DNAH17: variants seen among roughly 807,000 people sequenced by gnomAD.
DNAH17 encodes dynein axonemal heavy chain 17.
Under a neutral mutation model 485.6 loss-of-function variants are expected in DNAH17, and 376 were observed. The observed-to-expected ratio is 0.77, with a 90% CI of 0.71 to 0.84. The LOEUF (loss-of-function observed/expected upper bound fraction) is 0.84, where lower values mean the gene tolerates loss of function less well. DNAH17 is among the 40% of genes least tolerant of loss of function. DNAH17 has a pLI of 0.00. For synonymous variants in DNAH17, 3,031 were observed against 2,405.9 expected (o/e 1.26, Z -7.60); for missense variants, 6,370 against 5,839.3 (o/e 1.09, Z -2.96).
At chr17:78,503,543 G>A (rs192162024) in intron 31 of DNAH17, among the ~76,000 whole-genome samples, 2 of 152,128 alleles carry the variant, frequency 1.3e-5, no homozygotes, top group East Asian at 3.9e-4. Context: ...CTGCTGTGCA[G>A]TAACTGCAGT....
Position 78,428,606 on chromosome 17 carries a change from C to T in DNAH17, c.12507G>A (p.Glu4169=), listed in dbSNP as rs2086564512. ...AEIGFLTVTS[E]KLFRTVLEMQ... ...TTTCCAGGACAGTGCGGAACAGCTT[C>T]TCTGAGGTGACCGTCAGAAAGCCAA... Residue 4169 remains glutamate (E), a synonymous_variant, in exon 77 of 81, where the codon GAG becomes GAA. Coordinates refer to ENST00000389840, the MANE Select transcript of DNAH17 (RefSeq NM_173628.4). The T allele has an allele frequency of 6.2e-7, 1 of 1,613,880 alleles. No homozygotes were observed. The highest frequency in any genetic ancestry group is 1.7e-5 in the Admixed American group (1 of 59,992).
chr17:78,477,508 C>G (rs1312808159), intron 51 of DNAH17, among the ~76,000 whole-genome samples: 1 of 152,082 alleles, frequency 6.6e-6, no homozygotes, highest in Non-Finnish European at 1.5e-5. Context: ...TCCCGAGTAG[C>G]TGGGACTACA....
At position 78,459,237 on chromosome 17, in the gene DNAH17, G is replaced by T. The variant is rs763898872; in HGVS notation, c.9654-29C>A. On this transcript the variant is annotated intron_variant, in intron 60 of 80. Transcript: ENST00000389840. ...GCGAGGGAACCAGAGGGCCGGAGTC[G>T]TCACCCTGTCCTGCTCTGGCAAAAC... is the stretch of plus-strand genomic sequence containing the variant. 3.1e-6 allele frequency: 5 copies of T among 1,604,394 alleles called. No homozygotes were observed. In the East Asian group the frequency reaches 1.1e-4, roughly 36 times the overall value.
intron 72 of DNAH17, among the ~76,000 whole-genome samples, chr17:78,439,996 A>C (rs1220570895): frequency 7.0e-6 from 1 of 142,770 alleles, no homozygotes; most frequent in Non-Finnish European, 1.5e-5. Context: ...CAGGGTCTCA[A>C]CTCTGTCACC....
Position 78,490,540 on chromosome 17 carries a change from G to GGTCT in DNAH17, c.6818+155_6818+158dup, listed in dbSNP as rs35592158. The stretch of plus-strand genomic sequence containing the variant: ...TGTGAATTTACACCATTTATTCCCA[G>GGTCT]GTCTCTCACCCCTTCACTGCTGTGA... On this transcript the variant is annotated intron_variant, in intron 44 of 80. Transcript: ENST00000389840. 0.28 allele frequency among the ~76,000 whole-genome samples: 43,001 copies of GGTCT among 152,018 alleles called. 6,473 individuals carry two copies. Among genetic ancestry groups the GGTCT allele is most frequent in the Middle Eastern group, 0.4 (117 of 294 alleles).
chr17:78,569,295 T>C (rs2092315742), intron 8 of DNAH17, 43 bp from the exon 9 acceptor site: 1 of 1,597,452 alleles, frequency 6.3e-7, no homozygotes, highest in African/African-American at 1.3e-5. Flanking sequence ...TTGCTTCAAA[T>C]GTCCCAAGTT....
At chr17:78,472,574 G>A (rs1229731170) in intron 54 of DNAH17, 2 of 335,614 alleles carry the variant, frequency 6.0e-6, no homozygotes, top group African/African-American at 4.4e-5. Flanking sequence ...ACTCAGGCTG[G>A]GGTGAAGGTT....
At position 78,490,759 on chromosome 17, in the gene DNAH17, G is replaced by T. The variant is rs755427352; in HGVS notation, c.6758C>A (p.Pro2253Gln). ...FEISHLRTAT[P>Q]ATVSRAGILY... ...GATGCCGGCTCTGGAAACGGTGGCT[G>T]GGGTGGCCGTCCTCAGGTGGCTGAT... The change falls in exon 44 of 81, where the codon CCA (proline) becomes CAA (glutamine). Residue 2253 changes from proline to glutamine, a missense_variant. Coordinates refer to ENST00000389840, the MANE Select transcript of DNAH17 (RefSeq NM_173628.4). The T allele has an allele frequency of 3.7e-6, 6 of 1,606,306 alleles. No individual in the cohort carries two copies. In the African/African-American group the frequency reaches 5.3e-5, roughly 14 times the overall value.
intron 74 of DNAH17, among the ~76,000 whole-genome samples, chr17:78,435,348 G>T (rs1213429722): frequency 1.3e-5 from 2 of 152,124 alleles, no homozygotes; most frequent in Non-Finnish European, 2.9e-5. Flanking sequence ...GGACATACAG[G>T]TTCCACCCAC....
Position 78,429,177 on chromosome 17 carries a change from C to G in DNAH17, c.12349G>C (p.Glu4117Gln), listed in dbSNP as rs1376571858. Residue 4117 changes from glutamate (E) to glutamine (Q), a missense_variant, in exon 76 of 81, where the codon GAG becomes CAG. Physicochemically the swap from Glu to Gln is conservative, Grantham distance 29 (BLOSUM62 2). Coordinates refer to ENST00000389840, the MANE Select transcript of DNAH17 (RefSeq NM_173628.4). The stretch of plus-strand genomic sequence containing the variant: ...CCGGGGGCCAGCAGGACGTCTCCCT[C>G]CAGCATCTCCGTCCGGATGTATTCA... The part of the protein sequence containing the change: ...LAEYIRTEML[E>Q]GDVLLAPGFQ... 1 of 1,613,676 alleles carries G rather than the reference C, an allele frequency of 6.2e-7. No individual in the cohort carries two copies. Among genetic ancestry groups the G allele is most frequent in the Non-Finnish European group, 8.5e-7 (1 of 1,179,890 alleles).
intron 25 of DNAH17, among the ~76,000 whole-genome samples, chr17:78,516,783 G>A (rs112141701): frequency 5.3e-5 from 8 of 151,718 alleles, no homozygotes; most frequent in African/African-American, 1.9e-4. Context: ...TGTACCTTCT[G>A]TTAAGGCCTG....
At chr17:78,459,720 T>C (rs1273627642) in intron 60 of DNAH17, 64 bp downstream of exon 60, 9 of 1,584,592 alleles carry the variant, frequency 5.7e-6, no homozygotes, top group Admixed American at 1.7e-5. Flanking sequence ...CACCTCAGCA[T>C]CGTGCCTTGG....
At chr17:78,533,598 G>A (rs569719905) in intron 19 of DNAH17, among the ~76,000 whole-genome samples, 8 of 152,314 alleles carry the variant, frequency 5.3e-5, no homozygotes, top group South Asian at 2.1e-4. Flanking sequence ...GAGAGAACTC[G>A]TTGGCTTATA....
intron 17 of DNAH17, among the ~76,000 whole-genome samples, chr17:78,543,076 CTACT>C (rs1194412117): frequency 2.6e-5 from 4 of 151,960 alleles, no homozygotes; most frequent in Non-Finnish European, 5.9e-5. Context: ...GGGTGGTCTA[CTACT>C]TAAAGATAAG....
chr17:78,485,061 G>A (rs759509678), intron 47 of DNAH17, 28 bp from the exon 48 acceptor site: 7 of 1,571,354 alleles, frequency 4.5e-6, no homozygotes, highest in Admixed American at 1.9e-5. Flanking sequence ...TCAGCTGCCC[G>A]CCTGCGCCTC....
Position 78,459,213 on chromosome 17 carries a change from C to A in DNAH17, c.9654-5G>T, listed in dbSNP as rs375911747. 2.6e-5 allele frequency: 42 copies of A among 1,613,470 alleles called. No homozygotes were observed. The African/African-American group carries it at 4.9e-4, about 19-fold the overall frequency. On this transcript the variant is annotated splice_region_variant and splice_polypyrimidine_tract_variant and intron_variant, in intron 60 of 80. Coordinates refer to ENST00000389840, the MANE Select transcript of DNAH17 (RefSeq NM_173628.4). ...GTCGGGTTGCCTTGGTAGGGCCTAG[C>A]GAGGGAACCAGAGGGCCGGAGTCGT...
In DNAH17 at chr17:78,561,710, C is replaced by A; in HGVS notation, c.1835+5G>T. On this transcript the variant is annotated splice_donor_5th_base_variant and intron_variant, in intron 12 of 80. Transcript: ENST00000389840. ...TGCCTGCCCCTGCCCAGGGCTGTGA[C>A]TCACGGGTGTTCGACGTGCTTCAGG... 6.2e-7 allele frequency: 1 copy of A among 1,601,332 alleles called. No homozygotes were observed. Among genetic ancestry groups the A allele is most frequent in the Non-Finnish European group, 8.5e-7 (1 of 1,172,718 alleles).
chr17:78,564,689 G>A (rs929260540), intron 11 of DNAH17, among the ~76,000 whole-genome samples: 2 of 152,134 alleles, frequency 1.3e-5, no homozygotes, highest in African/African-American at 2.4e-5. Flanking sequence ...AGCCAGTTGT[G>A]CACTGCAGGA....
At chr17:78,540,217 C>CGTTGA (rs113165962) in intron 17 of DNAH17, among the ~76,000 whole-genome samples, 4 of 148,858 alleles carry the variant, frequency 2.7e-5, no homozygotes, top group African/African-American at 1.0e-4. Context: ...TTTTATTTGT[C>CGTTGA]TTTGTCTTTG....
Sources: gnomAD v4.1 joint callset for allele counts (sites outside exome capture counted in the v4.1 genomes callset) on GRCh38, gnomAD v4.1.1 for gene constraint, MANE v1.5 for transcripts, NCBI Gene and HGNC (gene_info 2026-07-23, HGNC 2026-07-21) for gene names.